DOCK2: variants seen among roughly 807,000 people sequenced by gnomAD.
DOCK2 encodes the protein dedicator of cytokinesis 2, also known as dedicator of cytokinesis protein 2.
Under a neutral mutation model 248.9 loss-of-function variants are expected in DOCK2, and 87 were observed. The ratio of observed to expected loss-of-function variants is 0.35; its 90% CI spans 0.29 to 0.42. The LOEUF is 0.42. Among genes scored for constraint, DOCK2 ranks in the 10% least tolerant of loss-of-function variants. The pLI, the probability that DOCK2 is intolerant of heterozygous loss-of-function variation, is 1.00. For missense variants in DOCK2, 1,747 were observed against 2,300.2 expected (o/e 0.76, Z 4.92); for synonymous variants, 805 against 821.6 (o/e 0.98, Z 0.35).
intron 19 of DOCK2, among the ~76,000 whole-genome samples, chr5:169,715,559 T>C (rs1761850774): frequency 6.6e-6 from 1 of 152,062 alleles, no homozygotes. Context: ...ATGGAAGAGA[T>C]GAGGCTTTTG....
chr5:169,938,203 G>A (rs1198109467), intron 27 of DOCK2, among the ~76,000 whole-genome samples: 2 of 151,620 alleles, frequency 1.3e-5, no homozygotes, highest in Admixed American at 6.6e-5. Flanking sequence ...CCACCTTAAA[G>A]AAATCTTTCT....
At chr5:170,065,710 T>C (rs943520622) in intron 44 of DOCK2, among the ~76,000 whole-genome samples, 1 of 152,150 alleles carries the variant, frequency 6.6e-6, no homozygotes, top group African/African-American at 2.4e-5. Flanking sequence ...AGGGATCTTG[T>C]GAGACCCATT....
chr5:170,042,763 G>A (rs1055754052), intron 38 of DOCK2, among the ~76,000 whole-genome samples: 1 of 152,114 alleles, frequency 6.6e-6, no homozygotes, highest in Non-Finnish European at 1.5e-5. Flanking sequence ...TACCCTTATG[G>A]CTTCTTCAAA....
At chr5:169,682,838 T>C (rs1759744108) in intron 7 of DOCK2, among the ~76,000 whole-genome samples, 1 of 152,176 alleles carries the variant, frequency 6.6e-6, no homozygotes, top group Admixed American at 6.5e-5. Context: ...AACCCCTAAT[T>C]TCCTGTCACT....
chr5:170,068,732 G>A (rs1292230423), intron 45 of DOCK2, among the ~76,000 whole-genome samples: 1 of 152,168 alleles, frequency 6.6e-6, no homozygotes, highest in Non-Finnish European at 1.5e-5. Flanking sequence ...TTTCCACAGA[G>A]CAATGTTCTC....
chr5:169,863,059 A>G (rs1172168537), intron 27 of DOCK2, among the ~76,000 whole-genome samples: 2 of 152,214 alleles, frequency 1.3e-5, no homozygotes, highest in African/African-American at 4.8e-5. Context: ...TATAGCAATT[A>G]CTTAATTATA....
chr5:169,713,636 C>T (rs1164643176), intron 17 of DOCK2, among the ~76,000 whole-genome samples: 2 of 152,148 alleles, frequency 1.3e-5, no homozygotes, highest in Non-Finnish European at 2.9e-5. Flanking sequence ...CAGATCCCAG[C>T]ACACTCTTAC....
intron 25 of DOCK2, among the ~76,000 whole-genome samples, chr5:169,798,662 G>A (rs1291017936): frequency 6.6e-6 from 1 of 152,160 alleles, no homozygotes; most frequent in Non-Finnish European, 1.5e-5. Context: ...GTCTACTCAA[G>A]TCTGCTTCTT....
At chr5:170,067,738 G>T (rs758155212) in intron 45 of DOCK2, 52 bp downstream of exon 45, 1 of 1,592,910 alleles carries the variant, frequency 6.3e-7, no homozygotes, top group South Asian at 1.1e-5. Flanking sequence ...CAGAGCAGTG[G>T]TGGGAGGACC....
chr5:170,077,935 T>C (rs1757895131), intron 48 of DOCK2, 98 bp downstream of exon 48: 28 of 1,003,814 alleles, frequency 2.8e-5, no homozygotes, highest in Non-Finnish European at 4.1e-5. Context: ...CTTCTACCTT[T>C]CCCTTCCTCC....
chr5:169,915,890 G>T (rs1314387795), intron 27 of DOCK2, among the ~76,000 whole-genome samples: 1 of 152,058 alleles, frequency 6.6e-6, no homozygotes, highest in Non-Finnish European at 1.5e-5. Flanking sequence ...TGATTAAATG[G>T]TATACATTGG....
At chr5:169,802,377 G>T (rs993610691) in intron 25 of DOCK2, among the ~76,000 whole-genome samples, 3 of 152,184 alleles carry the variant, frequency 2.0e-5, no homozygotes, top group African/African-American at 7.2e-5. Flanking sequence ...GGCCATGCTG[G>T]TAAATGAAAG....
chr5:170,069,264 T>TC, intron 46 of DOCK2, 44 bp downstream of exon 46: 2 of 1,599,750 alleles, frequency 1.3e-6, no homozygotes, highest in South Asian at 2.2e-5. Flanking sequence ...CTCCTTCCTC[T>TC]CCCCCCACCG....
chr5:169,950,566 A>G (rs898152920), intron 27 of DOCK2, among the ~76,000 whole-genome samples: 6 of 152,130 alleles, frequency 3.9e-5, no homozygotes, highest in Non-Finnish European at 8.8e-5. Flanking sequence ...GGGTTGTGTC[A>G]GTTTCTCTTT....
At chr5:169,742,746 T>C (rs1374390922) in intron 22 of DOCK2, among the ~76,000 whole-genome samples, 3 of 152,194 alleles carry the variant, frequency 2.0e-5, no homozygotes, top group Admixed American at 1.3e-4. Context: ...CAGAGCATTG[T>C]ACACAACATA....
intron 27 of DOCK2, among the ~76,000 whole-genome samples, chr5:169,931,389 C>T (rs887507662): frequency 3.3e-5 from 5 of 152,218 alleles, no homozygotes; most frequent in African/African-American, 7.2e-5. Context: ...TGCCGCCTCT[C>T]GGCAATTGAA....
At chr5:169,922,269 G>A (rs1466120015) in intron 27 of DOCK2, among the ~76,000 whole-genome samples, 1 of 152,190 alleles carries the variant, frequency 6.6e-6, no homozygotes, top group Non-Finnish European at 1.5e-5. Flanking sequence ...TCATCTTATG[G>A]AGGAAAAGAT....
At chr5:169,891,239 C>T (rs894792083) in intron 27 of DOCK2, among the ~76,000 whole-genome samples, 3 of 152,188 alleles carry the variant, frequency 2.0e-5, no homozygotes, top group Admixed American at 6.5e-5. Flanking sequence ...CCAGGAGACA[C>T]TCCCTGACCC....
intron 27 of DOCK2, among the ~76,000 whole-genome samples, chr5:169,869,039 G>C (rs1771773661): frequency 6.6e-6 from 1 of 152,284 alleles, no homozygotes; most frequent in East Asian, 1.9e-4. Flanking sequence ...TCGCTGGGTG[G>C]CTGTGCAGAT....
Sources: gnomAD v4.1 joint callset for allele counts (sites outside exome capture counted in the v4.1 genomes callset) on GRCh38, gnomAD v4.1.1 for gene constraint, MANE v1.5 for transcripts, NCBI Gene and HGNC (gene_info 2026-07-23, HGNC 2026-07-21) for gene names.